The following MYEF2 variants were observed in gnomAD, a reference collection of about 807,000 sequenced individuals.
The protein encoded by MYEF2 is myelin expression factor 2, also known as myelin gene expression factor 2.
Under a neutral mutation model 75.2 loss-of-function variants are expected in MYEF2, and 37 were observed. That is an observed-to-expected ratio of 0.49 (90% CI 0.38 to 0.65). The LOEUF is 0.65. MYEF2 is among the 30% of genes least tolerant of loss of function. MYEF2 has a pLI of 0.00. For synonymous variants in MYEF2, 195 were observed against 241.6 expected (o/e 0.81, Z 1.79); for missense variants, 634 against 771.4 (o/e 0.82, Z 2.11).
At chr15:48,162,853 G>C (rs1052670557) in intron 5 of MYEF2, 1 of 152,224 alleles carries the variant, frequency 6.6e-6, no homozygotes, top group Admixed American at 6.5e-5. Flanking sequence ...CTGCTCCACC[G>C]ACCAGCCGCT....
At chr15:48,166,149 C>A in intron 3 of MYEF2, 21 bp from the exon 4 acceptor site, 3 of 1,551,098 alleles carry the variant, frequency 1.9e-6, no homozygotes, top group South Asian at 2.3e-5. Flanking sequence ...GTAGATTTGT[C>A]AAAATATGCA....
At chr15:48,151,289 T>TA in intron 13 of MYEF2, 118 bp from the exon 14 acceptor site, 1 of 1,074,680 alleles carries the variant, frequency 9.3e-7, no homozygotes. Flanking sequence ...CTTCTGAAAA[T>TA]AGAGTTCAAA....
rs1012035823 is a variant in MYEF2 at position 48,168,655 on chromosome 15, T to C, written c.346A>G (p.Ile116Val). 7 of 1,613,620 alleles carry C rather than the reference T, an allele frequency of 4.3e-6. No individual in the cohort carries two copies. The Admixed American group carries it at 5.0e-5, about 12-fold the overall frequency. Reference protein sequence around the residue: ...NIPYDMKWQAIKDLMREKVGE... With the variant: ...NIPYDMKWQAVKDLMREKVGE... ...CCTTTCTCTCTCATTAGATCTTTAA[T>C]AGCTTGCCATTTCATGTCATATGGG... The change falls in exon 2 of 17, where the codon ATT (isoleucine) becomes GTT (valine). Residue 116 changes from isoleucine (I) to valine (V), a missense_variant. Transcript: ENST00000324324.
rs988506414 is a variant in MYEF2 at position 48,142,612 on chromosome 15, GAACA to G, written c.*292_*295del. 6.8e-6 allele frequency: 3 copies of G among 442,776 alleles called. No individual in the cohort carries two copies. The highest frequency in any genetic ancestry group is 4.1e-5 in the African/African-American group (2 of 49,364). The allele number at this position is 442,776 out of a possible 1,614,324, so 27.4% of individuals were successfully genotyped here. A position where few individuals can be genotyped will look rare whatever the true frequency, so the allele number is the denominator to read the frequency against. ...AAGTTGACAAAAACTGGAGAAACTA[GAACA>G]AACAAATCCAACTATGTAGTACTGA... is the stretch of plus-strand genomic sequence containing the variant. On this transcript the variant is annotated 3_prime_UTR_variant, in exon 17 of 17. Transcript: ENST00000324324.
Position 48,139,334 on chromosome 15 carries a change from TCA to T in MYEF2, c.*3572_*3573del. 3.5e-6 allele frequency: 2 copies of T among 568,794 alleles called. No homozygotes were observed. The highest frequency in any genetic ancestry group is 6.2e-6 in the Non-Finnish European group (2 of 325,164). 35.2% of individuals were successfully genotyped at this position (568,794 alleles called of 1,614,324 possible). On this transcript the variant is annotated 3_prime_UTR_variant, in exon 17 of 17. Transcript: ENST00000324324. ...ATGATTAAGTATTACTATAACAAGA[TCA>T]CTGGAGTTTGTGAGTTGCATATTAT...
chr15:48,139,199 A>C lies in MYEF2; in HGVS notation c.*3709T>G. On this transcript the variant is annotated 3_prime_UTR_variant, in exon 17 of 17. Coordinates refer to ENST00000324324, the MANE Select transcript of MYEF2 (RefSeq NM_016132.5). ...TGGTATGTATTTTAAGTACAATAGC[A>C]CAACTTGAAAATATTCATATAAGAA... 1 of 1,562,262 alleles carries C rather than the reference A, an allele frequency of 6.4e-7. No homozygotes were observed. The highest frequency in any genetic ancestry group is 1.1e-5 in the South Asian group (1 of 89,202).
At chr15:48,168,904 T>C in intron 1 of MYEF2, 65 bp from the exon 2 acceptor site, 1 of 1,235,358 alleles carries the variant, frequency 8.1e-7, no homozygotes, top group Non-Finnish European at 1.1e-6. Flanking sequence ...TGGAAGTCTA[T>C]ATTAAATAAG....
At chr15:48,159,528 A>G in intron 6 of MYEF2, 85 bp downstream of exon 6, 1 of 1,272,958 alleles carries the variant, frequency 7.9e-7, no homozygotes, top group South Asian at 1.4e-5. Context: ...AATAAGCAAA[A>G]TGTTCTATAA....
intron 16 of MYEF2, among the ~76,000 whole-genome samples, chr15:48,143,658 T>C (rs896530231): frequency 2.0e-5 from 3 of 152,028 alleles, no homozygotes; most frequent in Non-Finnish European, 4.4e-5. Flanking sequence ...GCACCAAATA[T>C]GCTACGGAAA....
rs1392494293 is a variant in MYEF2 at position 48,151,503 on chromosome 15, G to A, written c.1276C>T (p.Arg426Ter). The change falls in exon 13 of 17, where the codon CGA becomes TGA. Residue 426 changes from arginine (R) to a stop codon, truncating the protein, a stop_gained. Transcript: ENST00000324324. LOFTEE classifies it high-confidence loss of function. ...CTACCAAAGGAATCTCCAAAGCCTC[G>A]ATTTATTCCAATATCACCACGTCCA... ...DFGRGDIGIN[R>*]GFGDSFGRLG... is the part of the protein sequence containing the mutation. 2.5e-6 allele frequency: 4 copies of A among 1,612,920 alleles called. No homozygotes were observed. Among genetic ancestry groups the A allele is most frequent in the Admixed American group, 1.7e-5 (1 of 59,926 alleles).
chr15:48,157,875 A>T, intron 9 of MYEF2, 118 bp downstream of exon 9: 1 of 1,504,834 alleles, frequency 6.6e-7, no homozygotes, highest in Non-Finnish European at 8.9e-7. Context: ...TCATAACTCC[A>T]AACTAATCCC....
Position 48,138,954 on chromosome 15 carries a change from C to A in MYEF2, c.*3954G>T. Reference sequence around the variant, plus strand: ...ATTTGAGAAAACTCAAAAGTGTTTACTTTTTCCACAACAGATCCACCAAGT... The same window carrying A: ...ATTTGAGAAAACTCAAAAGTGTTTAATTTTTCCACAACAGATCCACCAAGT... On this transcript the variant is annotated 3_prime_UTR_variant, in exon 17 of 17. Coordinates refer to ENST00000324324, the MANE Select transcript of MYEF2 (RefSeq NM_016132.5). 6.3e-7 allele frequency: 1 copy of A among 1,593,576 alleles called. No homozygotes were observed. The highest frequency in any genetic ancestry group is 2.2e-5 in the East Asian group (1 of 44,588).
chr15:48,143,209 CA>C, intron 16 of MYEF2, 138 bp from the exon 17 acceptor site: 4 of 456,654 alleles, frequency 8.8e-6, no homozygotes, highest in Non-Finnish European at 1.1e-5. Flanking sequence ...ATAATATAAG[CA>C]TTATATTTGG....
chr15:48,160,969 C>T (rs753951135), intron 5 of MYEF2, among the ~76,000 whole-genome samples: 2 of 151,718 alleles, frequency 1.3e-5, no homozygotes, highest in African/African-American at 2.4e-5. Context: ...GGTAAAAATA[C>T]GAAATTTAGG....
At chr15:48,178,036 G>GC (rs761705219) in intron 1 of MYEF2, 41 bp downstream of exon 1, 1 of 1,561,222 alleles carries the variant, frequency 6.4e-7, no homozygotes, top group Non-Finnish European at 8.7e-7. Flanking sequence ...TAGACTCCCC[G>GC]CCCCCCACCT....
chr15:48,152,234 C>G lies in MYEF2; in HGVS notation c.1138G>C (p.Gly380Arg). 1 of 1,610,180 alleles carries G rather than the reference C, an allele frequency of 6.2e-7. No individual in the cohort carries two copies. The highest frequency in any genetic ancestry group is 8.5e-7 in the Non-Finnish European group (1 of 1,177,118). Reference protein sequence around the residue: ...GFGGMNRIGGGIGFGGLEAMN... With the variant: ...GFGGMNRIGGRIGFGGLEAMN... ...CAAAAAAACAAATCTTTATACATAC[C>G]TCCTCCAATTCTATTCATTCCTCCA... Residue 380 changes from glycine to arginine, a missense_variant and splice_region_variant, in exon 11 of 17, where the codon GGA (glycine) becomes CGA (arginine). Transcript: ENST00000324324.
At position 48,139,683 on chromosome 15, in the gene MYEF2, C is replaced by G. The variant is rs1247871767; in HGVS notation, c.*3225G>C. ...GTGAAAAGGGCATAATAATTTTATT[C>G]TAGGTTTCTACTACCTTCATGATTA... On this transcript the variant is annotated 3_prime_UTR_variant, in exon 17 of 17. Coordinates refer to ENST00000324324, the MANE Select transcript of MYEF2 (RefSeq NM_016132.5). 1.3e-5 allele frequency: 2 copies of G among 152,310 alleles called. No homozygotes were observed. The highest frequency in any genetic ancestry group is 2.4e-5 in the African/African-American group (1 of 41,402). The allele number at this position is 152,310 out of a possible 1,614,324, so 9.4% of individuals were successfully genotyped here. A position where few individuals can be genotyped will look rare whatever the true frequency, so the allele number is the denominator to read the frequency against.
intron 9 of MYEF2, chr15:48,157,570 C>T (rs1309481233): frequency 5.4e-6 from 1 of 185,812 alleles, no homozygotes; most frequent in Non-Finnish European, 1.0e-5. Context: ...GAATCTTCAA[C>T]ATGAAAAAAT....
chr15:48,166,045 T>C lies in MYEF2; in HGVS notation c.432-19A>G. ...AACCACACTTAATAGGGAAAAAATTTATAGGAAATGTTTATGTGCTAATTT... is the reference window on the plus strand; with the variant it reads ...AACCACACTTAATAGGGAAAAAATTCATAGGAAATGTTTATGTGCTAATTT... On this transcript the variant is annotated intron_variant, in intron 4 of 16. Coordinates refer to ENST00000324324, the MANE Select transcript of MYEF2 (RefSeq NM_016132.5). 6.4e-7 allele frequency: 1 copy of C among 1,573,064 alleles called. No individual in the cohort carries two copies. The highest frequency in any genetic ancestry group is 1.9e-5 in the Admixed American group (1 of 52,620).
Sources: gnomAD v4.1 joint callset for allele counts (sites outside exome capture counted in the v4.1 genomes callset) on GRCh38, gnomAD v4.1.1 for gene constraint, MANE v1.5 for transcripts, NCBI Gene and HGNC (gene_info 2026-07-23, HGNC 2026-07-21) for gene names.